The following ZCCHC14 variants were observed in gnomAD, a reference collection of about 807,000 sequenced individuals.
The protein encoded by ZCCHC14 is zinc finger CCHC domain-containing protein 14.
Under a neutral mutation model 85.0 loss-of-function variants are expected in ZCCHC14, and 16 were observed. That is an observed-to-expected ratio of 0.19 (90% CI 0.13 to 0.29). ZCCHC14 has a LOEUF of 0.29. ZCCHC14 is among the 10% of genes least tolerant of loss of function. The pLI is 1.00. For missense variants in ZCCHC14, 1,303 were observed against 1,443.5 expected (o/e 0.90, Z 1.58); for synonymous variants, 775 against 630.7 (o/e 1.23, Z -3.43).
At chr16:87,449,609 A>C (rs529744888) in intron 2 of ZCCHC14, among the ~76,000 whole-genome samples, 32 of 152,246 alleles carry the variant, frequency 2.1e-4, no homozygotes, top group African/African-American at 6.3e-4. Context: ...GTCTTTCTTT[A>C]ATTTGCTTTC....
At chr16:87,451,780 G>A (rs563400035) in intron 2 of ZCCHC14, among the ~76,000 whole-genome samples, 49 of 152,326 alleles carry the variant, frequency 3.2e-4, no homozygotes, top group African/African-American at 1.1e-3. Context: ...AGCTGATACA[G>A]GGAAGGAAGA....
At chr16:87,415,546 T>C (rs1342173890) in intron 8 of ZCCHC14, among the ~76,000 whole-genome samples, 179 bp from the exon 9 acceptor site, 1 of 152,180 alleles carries the variant, frequency 6.6e-6, no homozygotes, top group Non-Finnish European at 1.5e-5. Flanking sequence ...AATGACTTGG[T>C]GTCAACGGTT....
At chr16:87,433,100 G>T (rs774981564) in intron 3 of ZCCHC14, 28 bp downstream of exon 3, 1 of 1,609,416 alleles carries the variant, frequency 6.2e-7, no homozygotes, top group African/African-American at 1.3e-5. Context: ...CCTTCCAGGA[G>T]AGAGGGGAAA....
chr16:87,453,003 G>A (rs948814898), intron 2 of ZCCHC14, among the ~76,000 whole-genome samples: 8 of 152,330 alleles, frequency 5.3e-5, no homozygotes, highest in African/African-American at 1.4e-4. Flanking sequence ...AGAGGGGGAC[G>A]CCAAGCACCC....
chr16:87,457,452 G>A (rs773932385), intron 2 of ZCCHC14, among the ~76,000 whole-genome samples: 2 of 152,296 alleles, frequency 1.3e-5, no homozygotes, highest in Admixed American at 6.5e-5. Flanking sequence ...ATCACCACAT[G>A]GGATCAGTTA....
intron 10 of ZCCHC14, among the ~76,000 whole-genome samples, chr16:87,413,414 C>T (rs146210619): frequency 5.3e-5 from 8 of 152,318 alleles, no homozygotes; most frequent in Admixed American, 3.3e-4. Context: ...AGGGCCCTGC[C>T]GGCCCCCGCC....
In ZCCHC14 at chr16:87,407,897, C is replaced by CGGAT. The variant is rs1313862489; in HGVS notation, c.*2379_*2382dup. 1 of 152,708 alleles carries CGGAT rather than the reference C, an allele frequency of 6.5e-6. No homozygotes were observed. Among genetic ancestry groups the CGGAT allele is most frequent in the East Asian group, 1.9e-4 (1 of 5,202 alleles). The allele number at this position is 152,708 out of a possible 1,614,324, so 9.5% of individuals were successfully genotyped here. On this transcript the variant is annotated 3_prime_UTR_variant, in exon 13 of 13. Coordinates refer to ENST00000671377, the MANE Select transcript of ZCCHC14 (RefSeq NM_015144.3). ...CGGCTCCCTCCGGAAAGAGGCCTCACGGATGGGTGGTTCCATTTTCTCTGC... is the reference window on the plus strand; with the variant it reads ...CGGCTCCCTCCGGAAAGAGGCCTCACGGATGGATGGGTGGTTCCATTTTCTCTGC...
At chr16:87,466,607 T>C (rs1911531497) in intron 1 of ZCCHC14, among the ~76,000 whole-genome samples, 1 of 145,758 alleles carries the variant, frequency 6.9e-6, no homozygotes, top group African/African-American at 2.8e-5. Flanking sequence ...AGAAGACAAA[T>C]GGGCTCCTCG....
intron 2 of ZCCHC14, among the ~76,000 whole-genome samples, chr16:87,449,256 T>A (rs1423058911): frequency 6.6e-6 from 1 of 152,234 alleles, no homozygotes; most frequent in African/African-American, 2.4e-5. Context: ...TTTACAAGCT[T>A]CCTTACATCC....
intron 2 of ZCCHC14, among the ~76,000 whole-genome samples, chr16:87,439,784 A>T (rs1395978370): frequency 6.6e-6 from 1 of 152,244 alleles, no homozygotes; most frequent in East Asian, 1.9e-4. Context: ...GTCAAAATAC[A>T]GGTAACCACA....
Position 87,415,443 on chromosome 16 carries a change from T to C in ZCCHC14, c.1384-76A>G, listed in dbSNP as rs1483608648. The C allele has an allele frequency of 2.4e-6, 3 of 1,267,100 alleles. No individual in the cohort carries two copies. The African/African-American group carries it at 4.4e-5, about 19-fold the overall frequency. 78.5% of individuals were successfully genotyped at this position (1,267,100 alleles called of 1,614,324 possible). ...TGAGAACAAAGAACTTGGAGTTGAA[T>C]TCAGTACATTTATTCTGCCTCTGGG... is the stretch of plus-strand genomic sequence containing the variant. On this transcript the variant is annotated intron_variant, in intron 8 of 12. Transcript: ENST00000671377.
At chr16:87,467,311 C>T in intron 1 of ZCCHC14, 1 of 1,583,032 alleles carries the variant, frequency 6.3e-7, no homozygotes, top group Non-Finnish European at 8.7e-7. Context: ...AATAATGTAA[C>T]ACTGCCCCAA....
intron 2 of ZCCHC14, among the ~76,000 whole-genome samples, chr16:87,458,739 G>T (rs1421790304): frequency 6.6e-6 from 1 of 152,194 alleles, no homozygotes; most frequent in Admixed American, 6.5e-5. Context: ...CACAGGGTGA[G>T]CGAGTGCGGC....
In ZCCHC14 at chr16:87,420,276, TAA is replaced by T. The variant is rs138373305; in HGVS notation, c.950+329_950+330del. On this transcript the variant is annotated intron_variant, in intron 5 of 12. Transcript: ENST00000671377. The surrounding 1 kb of genome is among the most constrained non-coding windows in gnomAD (Gnocchi z 5.0). Reference sequence around the variant, plus strand: ...CGATCGAGGGTCCAGAGAAACTGTTTAAGAGACGCCAATTTTATCTGGGAATA... The same window carrying T: ...CGATCGAGGGTCCAGAGAAACTGTTTGAGACGCCAATTTTATCTGGGAATA... Among the ~76,000 whole-genome samples, 1,568 of 152,300 alleles carry T rather than the reference TAA, an allele frequency of 0.01. 67 individuals carry two copies. The East Asian group carries it at 0.11, about 11-fold the overall frequency.
chr16:87,415,319 T>C lies in ZCCHC14; in HGVS notation c.1432A>G (p.Met478Val), dbSNP rs1411443620. The C allele has an allele frequency of 3.1e-6, 5 of 1,613,954 alleles. No individual in the cohort carries two copies. The highest frequency in any genetic ancestry group is 2.2e-5 in the South Asian group (2 of 91,074). The change falls in exon 9 of 13, where the codon ATG becomes GTG. Residue 478 changes from methionine to valine, a missense_variant. Transcript: ENST00000671377. ...EDLNKFESLTMGAKKKLKTQL... is the reference protein window; with the variant it reads ...EDLNKFESLTVGAKKKLKTQL... ...GTCTTGAGCTTCTTCTTTGCCCCCA[T>C]GGTAAGAGACTCAAATTTATTCAGA...
chr16:87,431,308 C>T (rs1267831551), intron 3 of ZCCHC14, among the ~76,000 whole-genome samples: 3 of 151,238 alleles, frequency 2.0e-5, no homozygotes, highest in East Asian at 3.9e-4. Context: ...CCCGTCTCTA[C>T]TAAAAATACA....
At chr16:87,471,802 G>A (rs1911784523) in intron 1 of ZCCHC14, 2 of 152,362 alleles carry the variant, frequency 1.3e-5, no homozygotes, top group African/African-American at 2.4e-5. Flanking sequence ...CATAAAACAG[G>A]GTTCAAAGGG....
chr16:87,486,864 G>A (rs1317669761), intron 1 of ZCCHC14, among the ~76,000 whole-genome samples: 1 of 152,182 alleles, frequency 6.6e-6, no homozygotes, highest in Non-Finnish European at 1.5e-5. Flanking sequence ...AGTGCTTTTA[G>A]GTCACAGCTA....
chr16:87,442,219 A>G (rs1265312049), intron 2 of ZCCHC14, among the ~76,000 whole-genome samples: 1 of 152,180 alleles, frequency 6.6e-6, no homozygotes, highest in Non-Finnish European at 1.5e-5. Context: ...AATGCCCCCA[A>G]AGGACGAGGC....
Sources: gnomAD v4.1 joint callset for allele counts (sites outside exome capture counted in the v4.1 genomes callset) on GRCh38, gnomAD v4.1.1 for gene constraint, Gnocchi (gnomAD v3.1) non-coding constraint, MANE v1.5 for transcripts, NCBI Gene and HGNC (gene_info 2026-07-23, HGNC 2026-07-21) for gene names.